Variants in PCTP observed in about 807,000 individuals in gnomAD.
PCTP encodes phosphatidylcholine transfer protein.
PCTP carries 27 observed loss-of-function variants against 31.0 expected under a neutral mutation model. The observed-to-expected ratio is 0.87, with a 90% confidence interval of 0.64 to 1.20. The LOEUF (loss-of-function observed/expected upper bound fraction) is 1.20, where lower values mean the gene tolerates loss of function less well. Among genes scored for constraint, PCTP ranks in the 50% most tolerant of loss-of-function variants. The pLI is 0.00. For missense variants in PCTP, 287 were observed against 268.2 expected (o/e 1.07, Z -0.49); for synonymous variants, 108 against 101.2 (o/e 1.07, Z -0.40).
chr17:55,754,410 C>T (rs1195406790), intron 1 of PCTP, among the ~76,000 whole-genome samples: 8 of 152,174 alleles, frequency 5.3e-5, no homozygotes, highest in Non-Finnish European at 1.2e-4. Context: ...TATACAGATG[C>T]ATAAGATGAG....
At chr17:55,773,049 A>C (rs1238991631) in intron 3 of PCTP, among the ~76,000 whole-genome samples, 2 of 152,204 alleles carry the variant, frequency 1.3e-5, no homozygotes, top group Admixed American at 1.3e-4. Flanking sequence ...TAGTGCCGTA[A>C]ACTTAAGGGT....
Position 55,774,774 on chromosome 17 carries a change from C to A in PCTP, c.512-18C>A. The A allele has an allele frequency of 6.4e-7, 1 of 1,564,352 alleles. No individual in the cohort carries two copies. Among genetic ancestry groups the A allele is most frequent in the Non-Finnish European group, 8.8e-7 (1 of 1,137,814 alleles). ...GTATTTTTCCTTTTTCTGAATTGTC[C>A]TTTCTTTCCCTCTCTAGTTTTCATG... On this transcript the variant is annotated intron_variant, in intron 4 of 5. Coordinates refer to ENST00000268896, the MANE Select transcript of PCTP (RefSeq NM_021213.4).
the PCTP span, among the ~76,000 whole-genome samples, chr17:55,848,257 G>T: frequency 7.2e-5 from 11 of 152,198 alleles, no homozygotes; most frequent in Non-Finnish European, 1.3e-4. Context: ...GCCTAGTCAA[G>T]TTGACACATA....
At chr17:55,835,152 C>T (rs1905736579) in intron 5 of PCTP, among the ~76,000 whole-genome samples, 1 of 152,108 alleles carries the variant, frequency 6.6e-6, no homozygotes, top group African/African-American at 2.4e-5. Context: ...AAGGAGGGAT[C>T]CTCCCTTAGA....
chr17:55,805,413 A>G (rs2145034844), intron 3 of PCTP, among the ~76,000 whole-genome samples: 1 of 151,970 alleles, frequency 6.6e-6, no homozygotes, highest in Middle Eastern at 3.4e-3. Context: ...CTTTATGTCC[A>G]TGTGTACCCA....
intron 3 of PCTP, among the ~76,000 whole-genome samples, chr17:55,812,272 G>A (rs994981062): frequency 2.6e-4 from 40 of 152,182 alleles, no homozygotes; most frequent in African/African-American, 8.2e-4. Flanking sequence ...AGTCTGCACT[G>A]TGTGCCAAGC....
chr17:55,772,113 G>A (rs908104170), intron 3 of PCTP, among the ~76,000 whole-genome samples: 1 of 152,172 alleles, frequency 6.6e-6, no homozygotes, highest in African/African-American at 2.4e-5. Flanking sequence ...GAGAAAGTTG[G>A]GGGAGAGAGT....
intron 3 of PCTP, among the ~76,000 whole-genome samples, chr17:55,793,065 C>A (rs1912060387): frequency 1.3e-5 from 2 of 152,096 alleles, no homozygotes. Context: ...TTTAGAACAT[C>A]TCTTCTGTCC....
intron 5 of PCTP, among the ~76,000 whole-genome samples, chr17:55,829,759 G>A (rs1055013211): frequency 6.6e-6 from 1 of 151,798 alleles, no homozygotes; most frequent in African/African-American, 2.4e-5. Context: ...TATGTTTGAG[G>A]TGCTGTTGTC....
downstream of PCTP, among the ~76,000 whole-genome samples, chr17:55,847,145 A>G (rs527942194): frequency 4.6e-5 from 7 of 152,358 alleles, no homozygotes; most frequent in African/African-American, 1.4e-4. Context: ...AACAACAAAG[A>G]ACAAACCTAA....
At chr17:55,775,005 C>T in intron 5 of PCTP, 146 bp downstream of exon 5, 1 of 921,714 alleles carries the variant, frequency 1.1e-6, no homozygotes, top group Non-Finnish European at 1.6e-6. Flanking sequence ...TTGAGTGACT[C>T]TGGTTAGGGC....
At chr17:55,765,359 C>A (rs1242636703) in intron 1 of PCTP, among the ~76,000 whole-genome samples, 1 of 152,104 alleles carries the variant, frequency 6.6e-6, no homozygotes, top group Non-Finnish European at 1.5e-5. Flanking sequence ...AAAAGCCCAC[C>A]AATCACCTCT....
intron 3 of PCTP, among the ~76,000 whole-genome samples, chr17:55,810,204 A>G (rs1912703366): frequency 6.6e-6 from 1 of 152,112 alleles, no homozygotes; most frequent in African/African-American, 2.4e-5. Context: ...TTTTGTAGAG[A>G]CAGGGTCTCA....
chr17:55,804,827 G>A (rs778850502), intron 3 of PCTP, among the ~76,000 whole-genome samples: 17 of 152,038 alleles, frequency 1.1e-4, no homozygotes, highest in Non-Finnish European at 1.5e-4. Flanking sequence ...CATACCACAC[G>A]TTCTGCCCAT....
chr17:55,769,218 A>T (rs1010540514), intron 2 of PCTP: 2 of 152,270 alleles, frequency 1.3e-5, no homozygotes, highest in African/African-American at 4.8e-5. Context: ...TCTAGGGATG[A>T]CAGCCAGATG....
At chr17:55,828,410 G>A (rs1025988468) in intron 5 of PCTP, among the ~76,000 whole-genome samples, 5 of 152,176 alleles carry the variant, frequency 3.3e-5, no homozygotes, top group African/African-American at 9.7e-5. Context: ...CCGGCTTGTG[G>A]CAGCATCACT....
At position 55,833,247 on chromosome 17, in the gene PCTP, G is replaced by A. The variant is rs181614667; in HGVS notation, n.506-9480G>A. ...ATAAGAAACTTGAGACCCAATAGAC[G>A]TTCCACAGCAAGTATAGATACAGAA... On this transcript the variant is annotated intron_variant and non_coding_transcript_variant, in intron 5 of 5. Transcript: ENST00000576221. Among the ~76,000 whole-genome samples the A allele has an allele frequency of 1.1e-3, 172 of 152,220 alleles. 1 individual carries two copies. Among genetic ancestry groups the A allele is most frequent in the Non-Finnish European group, 1.8e-3 (122 of 68,014 alleles).
At chr17:55,843,189 A>G (rs989998354), downstream of PCTP, among the ~76,000 whole-genome samples, 3 of 146,990 alleles carry the variant, frequency 2.0e-5, no homozygotes, top group East Asian at 5.8e-4. Context: ...ATAATATTTT[A>G]TATTATAATA....
rs1043337965 is a variant in PCTP, at chr17:55,776,397, G to T, written c.*297G>T. 2 of 1,256,086 alleles carry T rather than the reference G, an allele frequency of 1.6e-6. No homozygotes were observed. Among genetic ancestry groups the T allele is most frequent in the African/African-American group, 1.5e-5 (1 of 65,110 alleles). 77.8% of individuals were successfully genotyped at this position (1,256,086 alleles called of 1,614,324 possible). On this transcript the variant is annotated 3_prime_UTR_variant, in exon 6 of 6. Transcript: ENST00000268896. ...TATGGGGCAGACTAGGGAAACCTTT[G>T]CTTGCTTACTATTAGGAGGGGAAGT...
Sources: gnomAD v4.1 joint callset for allele counts (sites outside exome capture counted in the v4.1 genomes callset) on GRCh38, gnomAD v4.1.1 for gene constraint, MANE v1.5 for transcripts, NCBI Gene and HGNC (gene_info 2026-07-23, HGNC 2026-07-21) for gene names.